PCDHGA12: variants seen among roughly 807,000 people sequenced by gnomAD.
PCDHGA12 encodes the protein protocadherin gamma-A12.
In PCDHGA12, 43 loss-of-function variants were observed where a neutral mutation model predicts 61.1. The observed-to-expected ratio is 0.70, with a 90% confidence interval of 0.55 to 0.91. PCDHGA12 has a LOEUF of 0.91. Among genes scored for constraint, PCDHGA12 ranks in the 40% least tolerant of loss-of-function variants. The pLI is 0.00. For missense variants in PCDHGA12, 1,236 were observed against 1,227.7 expected (o/e 1.01, Z -0.10); for synonymous variants, 520 against 542.9 (o/e 0.96, Z 0.59).
chr5:141,508,269 C>G (rs1459186158), intron 3 of PCDHGA12: 1 of 152,186 alleles, frequency 6.6e-6, no homozygotes, highest in Non-Finnish European at 1.5e-5. Flanking sequence ...GAGAAAATCC[C>G]GGTCCTTGAC....
intron 2 of PCDHGA12, among the ~76,000 whole-genome samples, chr5:141,505,145 G>A (rs540889707): frequency 1.3e-5 from 2 of 152,288 alleles, no homozygotes; most frequent in East Asian, 3.9e-4. Flanking sequence ...CTGGATGACA[G>A]AGTAAGACCC....
chr5:141,476,699 G>C lies in PCDHGA12; in HGVS notation c.2425-18108G>C. 1 of 1,614,222 alleles carries C rather than the reference G, an allele frequency of 6.2e-7. No individual in the cohort carries two copies. The highest frequency in any genetic ancestry group is 8.5e-7 in the Non-Finnish European group (1 of 1,180,042). ...GCGGGAGGACAGCACCAAGTACGCG[G>C]AGCTGGTGTTGGAGCGCGCCCTGGA... is the stretch of plus-strand genomic sequence containing the variant. On this transcript the variant is annotated intron_variant, in intron 1 of 3. Transcript: ENST00000252085. The surrounding 1 kb of genome is among the most constrained non-coding windows in gnomAD (Gnocchi z 7.6).
chr5:141,482,885 A>G (rs1353686606), intron 1 of PCDHGA12, among the ~76,000 whole-genome samples: 2 of 152,202 alleles, frequency 1.3e-5, no homozygotes. Flanking sequence ...CAGCCTGGCC[A>G]ACATGGTGAA....
At position 141,485,396 on chromosome 5, in the gene PCDHGA12, T is replaced by C. The variant is rs1466959644; in HGVS notation, c.2425-9411T>C. 2.5e-6 allele frequency: 4 copies of C among 1,614,042 alleles called. No homozygotes were observed. Among genetic ancestry groups the C allele is most frequent in the Non-Finnish European group, 3.4e-6 (4 of 1,179,960 alleles). On this transcript the variant is annotated intron_variant, in intron 1 of 3. Coordinates refer to ENST00000252085, the MANE Select transcript of PCDHGA12 (RefSeq NM_003735.3). The surrounding 1 kb of genome is among the most constrained non-coding windows in gnomAD (Gnocchi z 5.7). ...CGCTGGAGAGGTGAACCAAAGACAC[T>C]TCCGTGTGGATTTGGACAGCGGAGC...
chr5:141,478,517 T>G (rs1593923092), intron 1 of PCDHGA12: 1 of 1,611,116 alleles, frequency 6.2e-7, no homozygotes, highest in Non-Finnish European at 8.5e-7. Context: ...TAGGCAGGTG[T>G]TGGGTGCAGA....
chr5:141,441,565 C>T (rs1049476318), intron 1 of PCDHGA12: 62 of 200,838 alleles, frequency 3.1e-4, no homozygotes, highest in African/African-American at 1.4e-3. Context: ...CAAGTAGACA[C>T]CTCCAACCTA....
At position 141,477,539 on chromosome 5, in the gene PCDHGA12, C is replaced by G; in HGVS notation, c.2425-17268C>G. 2 of 1,614,172 alleles carry G rather than the reference C, an allele frequency of 1.2e-6. No individual in the cohort carries two copies. The highest frequency in any genetic ancestry group is 1.7e-6 in the Non-Finnish European group (2 of 1,180,030). On this transcript the variant is annotated intron_variant, in intron 1 of 3. Transcript: ENST00000252085. The surrounding 1 kb of genome is among the most constrained non-coding windows in gnomAD (Gnocchi z 4.9). ...TGAAGAAAACAACCTCCCCGGGGCT[C>G]CAATACTAAACCTAAGTGTCTGGGA...
At chr5:141,437,986 C>T (rs2097921856) in intron 1 of PCDHGA12, among the ~76,000 whole-genome samples, 1 of 152,096 alleles carries the variant, frequency 6.6e-6, no homozygotes, top group African/African-American at 2.4e-5. Context: ...TGCACCCACC[C>T]CACCTCAGCC....
intron 1 of PCDHGA12, chr5:141,479,537 T>C (rs1299169562): frequency 6.6e-6 from 1 of 152,230 alleles, no homozygotes; most frequent in Non-Finnish European, 1.5e-5. Context: ...GTGGAGAAGG[T>C]CAAAACTGCT....
intron 2 of PCDHGA12, among the ~76,000 whole-genome samples, chr5:141,499,984 G>A (rs1350203006): frequency 6.6e-6 from 1 of 151,872 alleles, no homozygotes; most frequent in East Asian, 1.9e-4. Context: ...CACCTTGCCC[G>A]GCCAGATGAT....
In PCDHGA12 at chr5:141,431,892, A is replaced by G. The variant is rs1456048000; in HGVS notation, c.1133A>G (p.Glu378Gly). The G allele has an allele frequency of 2.1e-5, 34 of 1,614,054 alleles. No homozygotes were observed. Among genetic ancestry groups the G allele is most frequent in the Non-Finnish European group, 2.7e-5 (32 of 1,179,972 alleles). ...AATGTAAATGACCAAGATTCTGAGG[A>G]AAACGGACAGGTGATCTGTTTCATC... is the stretch of plus-strand genomic sequence containing the variant. ...LLNVNDQDSE[E>G]NGQVICFIQG... Residue 378 changes from glutamate (E) to glycine (G), a missense_variant, in exon 1 of 4, where the codon GAA becomes GGA. Physicochemically the swap from Glu to Gly is moderately conservative, Grantham distance 98. Transcript: ENST00000252085. The surrounding 1 kb of genome is among the most constrained non-coding windows in gnomAD (Gnocchi z 4.8).
intron 3 of PCDHGA12, among the ~76,000 whole-genome samples, chr5:141,506,943 T>A (rs2099857373): frequency 6.6e-6 from 1 of 152,192 alleles, no homozygotes; most frequent in South Asian, 2.1e-4. Context: ...GGGCCTCCTG[T>A]CAATGAATCC....
In PCDHGA12 at chr5:141,454,796, A is replaced by ATTTTTT. The variant is rs61612330; in HGVS notation, c.2424+21637_2424+21642dup. Among the ~76,000 whole-genome samples the ATTTTTT allele has an allele frequency of 4.9e-3, 381 of 77,456 alleles. 41 individuals carry two copies. The highest frequency in any genetic ancestry group is 0.011 in the African/African-American group (178 of 16,882). 50.8% of individuals were successfully genotyped at this position (77,456 alleles called of 152,430 possible). ...AAGGAAATAATCCTCCATGGTTCTA[A>ATTTTTT]TTTTTTTTTTTTTTTTTTTTTTTTT... On this transcript the variant is annotated intron_variant, in intron 1 of 3. Coordinates refer to ENST00000252085, the MANE Select transcript of PCDHGA12 (RefSeq NM_003735.3).
chr5:141,478,204 T>C (rs775367944), intron 1 of PCDHGA12: 7 of 1,613,950 alleles, frequency 4.3e-6, no homozygotes, highest in Middle Eastern at 1.6e-4. Context: ...ATCTACTTCT[T>C]TCTCTAATCC....
rs764434052 is a variant in PCDHGA12, at chr5:141,431,792, C to T, written c.1033C>T (p.Pro345Ser). ...TGTTCTGGACGTGAACGACAATGCC[C>T]CAGAAGTGGTCCTCACCTCTCTCGC... is the stretch of plus-strand genomic sequence containing the variant. ...ITVLDVNDNAPEVVLTSLASS... is the reference protein window; with the variant it reads ...ITVLDVNDNASEVVLTSLASS... The change falls in exon 1 of 4, where the codon CCA (proline) becomes TCA (serine). Residue 345 changes from proline to serine, a missense_variant. Pro to Ser is a moderately conservative substitution (Grantham distance 74). Transcript: ENST00000252085. This position sits in a 1 kb window ranked among gnomAD's most constrained non-coding sequence, Gnocchi z 4.8. The T allele has an allele frequency of 3.7e-6, 6 of 1,614,234 alleles. No homozygotes were observed. The South Asian group carries it at 6.6e-5, about 18-fold the overall frequency.
At chr5:141,503,005 G>A (rs915064303) in intron 2 of PCDHGA12, among the ~76,000 whole-genome samples, 16 of 145,340 alleles carry the variant, frequency 1.1e-4, no homozygotes, top group African/African-American at 2.3e-4. Flanking sequence ...CACCATGCCC[G>A]GTTAATTTTT....
At chr5:141,503,729 G>C (rs531112359) in intron 2 of PCDHGA12, among the ~76,000 whole-genome samples, 1 of 152,190 alleles carries the variant, frequency 6.6e-6, no homozygotes, top group East Asian at 1.9e-4. Flanking sequence ...CTTTATGTTT[G>C]TTGTGATGGT....
intron 1 of PCDHGA12, among the ~76,000 whole-genome samples, chr5:141,474,142 T>G (rs2099344082): frequency 6.6e-6 from 1 of 152,212 alleles, no homozygotes; most frequent in African/African-American, 2.4e-5. Flanking sequence ...ACAGGCCTTA[T>G]TATCAAGAAA....
intron 1 of PCDHGA12, chr5:141,478,687 A>G: frequency 6.4e-7 from 1 of 1,551,218 alleles, no homozygotes; most frequent in Middle Eastern, 1.7e-4. Context: ...CCCTTCCTAG[A>G]TCAAAGTTAG....
Sources: allele counts gnomAD v4.1 joint callset (sites outside exome capture counted in the v4.1 genomes callset), GRCh38; gene constraint gnomAD v4.1.1; non-coding constraint Gnocchi (gnomAD v3.1); transcripts MANE v1.5; gene names NCBI Gene and HGNC (gene_info 2026-07-23, HGNC 2026-07-21).